Variants in CFAP46 observed in about 807,000 individuals in gnomAD.
CFAP46 encodes cilia- and flagella-associated protein 46.
A neutral mutation model predicts 325.7 loss-of-function variants in CFAP46; 245 were observed. That is an observed-to-expected ratio of 0.75 (90% CI 0.68 to 0.84). CFAP46 has a LOEUF of 0.84. Among genes scored for constraint, CFAP46 ranks in the 40% least tolerant of loss-of-function variants. The probability of loss-of-function intolerance (pLI) is 0.00; values close to 1 mark genes in which losing one functional copy is unlikely to be tolerated. For missense variants in CFAP46, 3,346 were observed against 3,543.0 expected (o/e 0.94, Z 1.41); for synonymous variants, 1,523 against 1,495.9 (o/e 1.02, Z -0.42).
In CFAP46 at chr10:132,938,767, A is replaced by G. The variant is rs778531335; in HGVS notation, c.372-14T>C. On this transcript the variant is annotated splice_polypyrimidine_tract_variant and intron_variant, in intron 4 of 57. Coordinates refer to ENST00000368586, the MANE Select transcript of CFAP46 (RefSeq NM_001200049.3). ...AAAAAGTAGTACCTGCGGCGCGAGCAGAGGAAGCAGAGAGCACGCTCAAAG... is the reference window on the plus strand; with the variant it reads ...AAAAAGTAGTACCTGCGGCGCGAGCGGAGGAAGCAGAGAGCACGCTCAAAG... 1.2e-6 allele frequency: 2 copies of G among 1,607,276 alleles called. No individual in the cohort carries two copies. Among genetic ancestry groups the G allele is most frequent in the African/African-American group, 2.7e-5 (2 of 74,802 alleles).
At chr10:132,881,163 G>A (rs1849037325) in intron 27 of CFAP46, 131 bp from the exon 28 acceptor site, 3 of 888,858 alleles carry the variant, frequency 3.4e-6, no homozygotes, top group East Asian at 2.7e-5. Context: ...ATCATTTGCA[G>A]GCCGCCTCTA....
chr10:132,923,844 C>T (rs1849765668), intron 11 of CFAP46, among the ~76,000 whole-genome samples: 1 of 152,158 alleles, frequency 6.6e-6, no homozygotes, highest in South Asian at 2.1e-4. Context: ...GGTGCATGTT[C>T]TTAGCCCCAG....
chr10:132,906,574 C>A (rs1193122425), intron 22 of CFAP46, among the ~76,000 whole-genome samples: 1 of 66,152 alleles, frequency 1.5e-5, no homozygotes, highest in African/African-American at 6.0e-5. Context: ...GTCCTGGGCA[C>A]TGAGAAGAGT....
At chr10:132,856,564 A>G (rs1482695068) in intron 39 of CFAP46, among the ~76,000 whole-genome samples, 2 of 151,936 alleles carry the variant, frequency 1.3e-5, no homozygotes, top group African/African-American at 2.4e-5. Context: ...AAGTTCTCCA[A>G]TGTTTTCTCC....
chr10:132,854,431 A>G (rs1290846729), intron 39 of CFAP46, among the ~76,000 whole-genome samples: 1 of 151,948 alleles, frequency 6.6e-6, no homozygotes. Flanking sequence ...CTTCCCCCCC[A>G]GGTTCACGCC....
At chr10:132,854,397 C>T (rs1033305984) in intron 39 of CFAP46, among the ~76,000 whole-genome samples, 2 of 152,084 alleles carry the variant, frequency 1.3e-5, no homozygotes, top group African/African-American at 2.4e-5. Flanking sequence ...AGTGCAGTGG[C>T]GTGATCGCCA....
intron 44 of CFAP46, among the ~76,000 whole-genome samples, chr10:132,842,077 C>T (rs1848354854): frequency 6.6e-6 from 1 of 152,242 alleles, no homozygotes; most frequent in Non-Finnish European, 1.5e-5. Flanking sequence ...CTAAGAGCTT[C>T]CAGATCCTTC....
At chr10:132,881,122 C>T (rs1591069277) in intron 27 of CFAP46, 90 bp from the exon 28 acceptor site, 7 of 1,260,336 alleles carry the variant, frequency 5.6e-6, no homozygotes, top group East Asian at 2.5e-5. Context: ...TCATTTTCTA[C>T]AAGAAAAGCT....
chr10:132,848,642 C>T (rs1447651710), intron 41 of CFAP46, among the ~76,000 whole-genome samples: 4 of 152,184 alleles, frequency 2.6e-5, no homozygotes, highest in Non-Finnish European at 4.4e-5. Context: ...ACACCCGCAG[C>T]GGCACAGATA....
rs969968140 is a variant in CFAP46, at chr10:132,847,390, C to G, written c.5953-69G>C. On this transcript the variant is annotated intron_variant, in intron 41 of 57. Transcript: ENST00000368586. This position sits in a 1 kb window ranked among gnomAD's most constrained non-coding sequence, Gnocchi z 5.2. ...CTTGGTCGGCGTGGGGAGGGCCCACCCAGGGAGGCCGGGGTGGTCGGGCTC... is the reference window on the plus strand; with the variant it reads ...CTTGGTCGGCGTGGGGAGGGCCCACGCAGGGAGGCCGGGGTGGTCGGGCTC... The G allele has an allele frequency of 1.3e-6, 2 of 1,588,862 alleles. No homozygotes were observed. Among genetic ancestry groups the G allele is most frequent in the African/African-American group, 2.7e-5 (2 of 74,466 alleles).
intron 8 of CFAP46, among the ~76,000 whole-genome samples, chr10:132,931,892 C>CCA (rs1316463719): frequency 1.4e-5 from 2 of 146,634 alleles, no homozygotes; most frequent in Non-Finnish European, 3.0e-5. Flanking sequence ...CCCACATTCC[C>CCA]CACATAGAGC....
At position 132,839,856 on chromosome 10, in the gene CFAP46, C is replaced by T. The variant is rs548257501; in HGVS notation, c.6439-2942G>A. On this transcript the variant is annotated intron_variant, in intron 44 of 57. Transcript: ENST00000368586. Reference sequence around the variant, plus strand: ...ATGGAACACAACTACTTCACCCTGACGTGGCGCCCCTTATAACTGCTGGAC... The same window carrying T: ...ATGGAACACAACTACTTCACCCTGATGTGGCGCCCCTTATAACTGCTGGAC... Among the ~76,000 whole-genome samples, 16 of 152,286 alleles carry T rather than the reference C, an allele frequency of 1.1e-4. No individual in the cohort carries two copies. The South Asian group carries it at 1.2e-3, about 12-fold the overall frequency.
Position 132,811,443 on chromosome 10 carries a change from TG to T in CFAP46, c.7502-413del, listed in dbSNP as rs201420043. On this transcript the variant is annotated intron_variant, in intron 55 of 57. Transcript: ENST00000368586. Reference sequence around the variant, plus strand: ...CAGGCTGCTGGGGGGCAGCACTGACTGGGGGCTGATGTGAGGGGGCCACATG... The same window carrying T: ...CAGGCTGCTGGGGGGCAGCACTGACTGGGGCTGATGTGAGGGGGCCACATG... 2.6e-3 allele frequency among the ~76,000 whole-genome samples: 393 copies of T among 152,240 alleles called. 6 individuals carry two copies. Among genetic ancestry groups the T allele is most frequent in the African/African-American group, 9.0e-3 (374 of 41,542 alleles).
rs1398211642 is a variant in CFAP46, at chr10:132,938,727, G to C, written c.398C>G (p.Ser133Ter). The C allele has an allele frequency of 1.9e-6, 3 of 1,613,430 alleles. No homozygotes were observed. The South Asian group carries it at 3.3e-5, about 18-fold the overall frequency. The change falls in exon 5 of 58, where the codon TCA (serine) becomes TGA (stop). Residue 133 changes from serine to a stop codon, truncating the protein, a stop_gained. Coordinates refer to ENST00000368586, the MANE Select transcript of CFAP46 (RefSeq NM_001200049.3). LOFTEE classifies it high-confidence loss of function. ...CCTCACCATCTGCCAGTAGAGGACT[G>C]ATGCATTGTACACCAAAAAGTAGTA... ...PRYYFLVYNA[S>*]VLYWQMVRPF...
At position 132,862,917 on chromosome 10, in the gene CFAP46, A is replaced by G. The variant is rs368767597; in HGVS notation, c.4891-1935T>C. On this transcript the variant is annotated intron_variant, in intron 35 of 57. Transcript: ENST00000368586. Reference sequence around the variant, plus strand: ...TGGATGTGGCTGAGAAGCCAGGGTGAGCTGAGGGCAAAGTTGAGGACGGGA... The same window carrying G: ...TGGATGTGGCTGAGAAGCCAGGGTGGGCTGAGGGCAAAGTTGAGGACGGGA... Among the ~76,000 whole-genome samples the G allele has an allele frequency of 1.6e-3, 238 of 152,126 alleles. 2 individuals are homozygous for G. The highest frequency in any genetic ancestry group is 0.012 in the South Asian group (56 of 4,814).
In CFAP46 at chr10:132,929,687, T is replaced by A. The variant is rs770216767; in HGVS notation, c.966+18A>T. The A allele has an allele frequency of 6.2e-6, 10 of 1,607,114 alleles. No homozygotes were observed. The highest frequency in any genetic ancestry group is 1.3e-5 in the African/African-American group (1 of 74,850). On this transcript the variant is annotated intron_variant, in intron 9 of 57. Transcript: ENST00000368586. ...GCAGCGCCTCATCCCCAGGCAGCAG[T>A]GTCATGAAGCCACTTACTTTGCTTT...
At chr10:132,821,626 G>C (rs1847833515) in intron 50 of CFAP46, among the ~76,000 whole-genome samples, 1 of 143,854 alleles carries the variant, frequency 7.0e-6, no homozygotes, top group East Asian at 2.2e-4. Flanking sequence ...TGTGTGCTGT[G>C]TGTGTGCTGT....
chr10:132,854,972 T>C (rs1313472236), intron 39 of CFAP46, among the ~76,000 whole-genome samples: 1 of 152,234 alleles, frequency 6.6e-6, no homozygotes, highest in Non-Finnish European at 1.5e-5. Context: ...AACATATTCA[T>C]GTGCACACAA....
chr10:132,909,014 G>GA (rs1329360569), intron 21 of CFAP46, 123 bp downstream of exon 21: 2 of 679,544 alleles, frequency 2.9e-6, no homozygotes, highest in Admixed American at 5.1e-5. Context: ...GGAGGTGGGG[G>GA]AGAGCGGGGC....
Sources: gnomAD v4.1 joint callset for allele counts (sites outside exome capture counted in the v4.1 genomes callset) on GRCh38, gnomAD v4.1.1 for gene constraint, Gnocchi (gnomAD v3.1) non-coding constraint, MANE v1.5 for transcripts, NCBI Gene and HGNC (gene_info 2026-07-23, HGNC 2026-07-21) for gene names.